The following EBF4 variants were observed in gnomAD, a reference collection of about 807,000 sequenced individuals.
The protein encoded by EBF4 is transcription factor COE4.
A neutral mutation model predicts 67.1 loss-of-function variants in EBF4; 34 were observed. The ratio of observed to expected loss-of-function variants is 0.51; its 90% CI spans 0.39 to 0.67. The LOEUF is 0.67. EBF4 is among the 30% of genes least tolerant of loss of function. EBF4 has a pLI of 0.00. For synonymous variants in EBF4, 387 were observed against 377.7 expected (o/e 1.02, Z -0.29); for missense variants, 837 against 873.3 (o/e 0.96, Z 0.52).
chr20:2,695,137 A>G (rs1033749844), intron 1 of EBF4, among the ~76,000 whole-genome samples: 3 of 149,468 alleles, frequency 2.0e-5, no homozygotes, highest in Admixed American at 6.6e-5. Flanking sequence ...TTTTTTTTCA[A>G]CTTGAGAAGG....
chr20:2,725,147 A>C (rs1317260976), intron 6 of EBF4, among the ~76,000 whole-genome samples: 1 of 151,968 alleles, frequency 6.6e-6, no homozygotes, highest in Non-Finnish European at 1.5e-5. Context: ...GTTACATCTC[A>C]TTTGCTTTCT....
intron 1 of EBF4, among the ~76,000 whole-genome samples, chr20:2,702,014 G>A (rs1157133666): frequency 6.6e-6 from 1 of 152,222 alleles, no homozygotes; most frequent in African/African-American, 2.4e-5. Context: ...GGTGAGGGGC[G>A]ATCAAGGCCT....
In EBF4 at chr20:2,755,604, C is replaced by CCCCG; in HGVS notation, c.1541-20_1541-19insGCCC. Reference sequence around the variant, plus strand: ...CCCACCACCTTCCCTGCTGCGCCTGCCCCTCCCCGCCCCGCCCCGGAGTCA... The same window carrying CCCCG: ...CCCACCACCTTCCCTGCTGCGCCTGCCCCGCCCTCCCCGCCCCGCCCCGGAGTCA... On this transcript the variant is annotated intron_variant, in intron 14 of 16. Coordinates refer to ENST00000609451, the Ensembl canonical transcript of EBF4. The surrounding 1 kb of genome is among the most constrained non-coding windows in gnomAD (Gnocchi z 4.7). The CCCCG allele has an allele frequency of 9.7e-7, 1 of 1,034,888 alleles. No individual in the cohort carries two copies. The allele number at this position is 1,034,888 out of a possible 1,614,324, so 64.1% of individuals were successfully genotyped here. A position where few individuals can be genotyped will look rare whatever the true frequency, so the allele number is the denominator to read the frequency against.
chr20:2,745,336 G>A lies in EBF4; in HGVS notation c.558-3213G>A, dbSNP rs1368627659. The stretch of plus-strand genomic sequence containing the variant: ...GGTTTCGACTATGTGCTAGCTCTGA[G>A]GACAGGCCCAAAGGGAAGGGAGAAG... On this transcript the variant is annotated intron_variant, in intron 6 of 16. Transcript: ENST00000609451. The surrounding 1 kb of genome is among the most constrained non-coding windows in gnomAD (Gnocchi z 5.2). Among the ~76,000 whole-genome samples the A allele has an allele frequency of 6.6e-6, 1 of 152,214 alleles. No individual in the cohort carries two copies. The highest frequency in any genetic ancestry group is 1.5e-5 in the Non-Finnish European group (1 of 68,032).
chr20:2,735,566 C>G (rs1028028014), intron 6 of EBF4, among the ~76,000 whole-genome samples: 1 of 152,202 alleles, frequency 6.6e-6, no homozygotes, highest in Non-Finnish European at 1.5e-5. Context: ...GAGGTCTTTA[C>G]TTAGCAATTC....
chr20:2,705,417 C>A (rs2087438072), intron 1 of EBF4, among the ~76,000 whole-genome samples, 160 bp from the exon 2 acceptor site: 1 of 152,128 alleles, frequency 6.6e-6, no homozygotes, highest in Non-Finnish European at 1.5e-5. Context: ...GCGAGATGGC[C>A]CTGGTCAGGC....
upstream of EBF4, chr20:2,693,204 C>T: frequency 6.5e-6 from 1 of 154,498 alleles, no homozygotes; most frequent in Non-Finnish European, 1.4e-5. The surrounding 1 kb of genome is among the most constrained non-coding windows in gnomAD (Gnocchi z 4.6). Flanking sequence ...GAGGTGGGGG[C>T]GGCGAGGGGG....
chr20:2,736,527 C>G (rs1248037850), intron 6 of EBF4, among the ~76,000 whole-genome samples: 1 of 152,236 alleles, frequency 6.6e-6, no homozygotes, highest in Admixed American at 6.5e-5. Flanking sequence ...TGTCATCCAT[C>G]TCCTTCCACG....
intron 10 of EBF4, 96 bp downstream of exon 10, chr20:2,750,069 G>C: frequency 6.9e-7 from 1 of 1,450,062 alleles, no homozygotes; most frequent in Non-Finnish European, 9.1e-7. Flanking sequence ...AGTTAGCCGA[G>C]CTCTACGCTG....
chr20:2,716,891 A>G (rs2087617783), intron 6 of EBF4, among the ~76,000 whole-genome samples: 1 of 152,202 alleles, frequency 6.6e-6, no homozygotes, highest in Non-Finnish European at 1.5e-5. Context: ...TATAATACCA[A>G]TGCAAGGACA....
At chr20:2,737,042 G>A (rs1014172512) in intron 6 of EBF4, among the ~76,000 whole-genome samples, 1 of 152,028 alleles carries the variant, frequency 6.6e-6, no homozygotes, top group South Asian at 2.1e-4. Flanking sequence ...AAGGTCAGGA[G>A]ATGGAGACCA....
rs990505570 is a variant in EBF4 at position 2,747,612 on chromosome 20, T to C, written c.558-937T>C. Among the ~76,000 whole-genome samples the C allele has an allele frequency of 9.9e-5, 15 of 152,198 alleles. No homozygotes were observed. Among genetic ancestry groups the C allele is most frequent in the African/African-American group, 2.4e-4 (10 of 41,442 alleles). On this transcript the variant is annotated intron_variant, in intron 6 of 16. Coordinates refer to ENST00000609451, the Ensembl canonical transcript of EBF4. The surrounding 1 kb of genome is among the most constrained non-coding windows in gnomAD (Gnocchi z 4.6). The stretch of plus-strand genomic sequence containing the variant: ...GCTCTGTATGATTAAGCTTTTCCTA[T>C]GTGTATAATGGATATAAAATGTGTG...
At chr20:2,699,049 GC>G (rs2087338070) in intron 1 of EBF4, among the ~76,000 whole-genome samples, 1 of 152,154 alleles carries the variant, frequency 6.6e-6, no homozygotes, top group Non-Finnish European at 1.5e-5. Context: ...TGTGAGGGGG[GC>G]TTTGTCTGTA....
At chr20:2,737,028 T>TC (rs764887151) in intron 6 of EBF4, among the ~76,000 whole-genome samples, 3 of 151,794 alleles carry the variant, frequency 2.0e-5, no homozygotes, top group Non-Finnish European at 4.4e-5. Flanking sequence ...GGTGGGCAGA[T>TC]CACAAGGTCA....
intron 6 of EBF4, among the ~76,000 whole-genome samples, chr20:2,740,686 T>A (rs1239766263): frequency 6.6e-6 from 1 of 152,080 alleles, no homozygotes; most frequent in Non-Finnish European, 1.5e-5. Flanking sequence ...TGGGGATTCT[T>A]GTGAAAGAGG....
chr20:2,723,391 C>T (rs2087707704), intron 6 of EBF4, among the ~76,000 whole-genome samples: 1 of 152,056 alleles, frequency 6.6e-6, no homozygotes, highest in Non-Finnish European at 1.5e-5. Context: ...CGCTCTGTCG[C>T]CCAGGCTGGA....
chr20:2,744,868 T>G (rs1486570511), intron 6 of EBF4, among the ~76,000 whole-genome samples: 2 of 152,212 alleles, frequency 1.3e-5, no homozygotes, highest in African/African-American at 4.8e-5. Flanking sequence ...ATGCATTTTA[T>G]TTAACCCAAT....
chr20:2,715,261 TA>T (rs1012676855), intron 6 of EBF4, among the ~76,000 whole-genome samples: 3 of 151,488 alleles, frequency 2.0e-5, no homozygotes, highest in Admixed American at 6.6e-5. Context: ...TTTAACTTTA[TA>T]AAAAAAAATG....
chr20:2,700,489 CAT>C (rs2087358536), intron 1 of EBF4, among the ~76,000 whole-genome samples: 2 of 152,156 alleles, frequency 1.3e-5, no homozygotes, highest in African/African-American at 4.8e-5. Flanking sequence ...GGAGCGGCAC[CAT>C]GAGATCAAAG....
Sources: gnomAD v4.1 joint callset for allele counts (sites outside exome capture counted in the v4.1 genomes callset) on GRCh38, gnomAD v4.1.1 for gene constraint, Gnocchi (gnomAD v3.1) non-coding constraint, MANE v1.5 for transcripts, NCBI Gene and HGNC (gene_info 2026-07-23, HGNC 2026-07-21) for gene names.